Variants in SLC38A11 observed in about 807,000 individuals in gnomAD.
The protein encoded by SLC38A11 is solute carrier family 38 member 11, also known as putative sodium-coupled neutral amino acid transporter 11.
Under a neutral mutation model 49.4 loss-of-function variants are expected in SLC38A11, and 51 were observed. The observed-to-expected ratio is 1.03, with a 90% CI of 0.83 to 1.30. The LOEUF (loss-of-function observed/expected upper bound fraction) is 1.30. Among genes scored for constraint, SLC38A11 ranks in the 50% most tolerant of loss-of-function variants. The probability of loss-of-function intolerance (pLI) is 0.00; values close to 1 mark genes in which losing one functional copy is unlikely to be tolerated. For synonymous variants in SLC38A11, 203 were observed against 192.9 expected (o/e 1.05, Z -0.43); for missense variants, 574 against 556.2 (o/e 1.03, Z -0.32).
chr2:164,937,172 G>A (rs537652919), intron 7 of SLC38A11, among the ~76,000 whole-genome samples, 178 bp downstream of exon 7: 2 of 152,100 alleles, frequency 1.3e-5, no homozygotes, highest in Admixed American at 1.3e-4. Flanking sequence ...GCCTTGTAGG[G>A]TCCAAATGAA....
chr2:164,907,509 A>G (rs774006480), intron 11 of SLC38A11, among the ~76,000 whole-genome samples: 10 of 151,722 alleles, frequency 6.6e-5, no homozygotes, highest in Non-Finnish European at 1.3e-4. Context: ...CAAGCAATCC[A>G]TCCACTTTGG....
chr2:164,925,228 A>T (rs1208703763), intron 7 of SLC38A11, among the ~76,000 whole-genome samples: 1 of 152,100 alleles, frequency 6.6e-6, no homozygotes, highest in Non-Finnish European at 1.5e-5. Context: ...AACTGTGTTT[A>T]CCTCTGTGGG....
intron 6 of SLC38A11, among the ~76,000 whole-genome samples, chr2:164,938,016 A>G (rs975930197): frequency 6.6e-6 from 1 of 151,890 alleles, no homozygotes; most frequent in Non-Finnish European, 1.5e-5. Flanking sequence ...CATTATATCA[A>G]CTGGTTAAAA....
intron 11 of SLC38A11, among the ~76,000 whole-genome samples, chr2:164,905,573 T>A (rs976023865): frequency 3.3e-5 from 5 of 152,064 alleles, no homozygotes; most frequent in African/African-American, 1.2e-4. Flanking sequence ...CAAAAAGGAG[T>A]TGAGTAAAGA....
Position 164,939,561 on chromosome 2 carries a change from A to C in SLC38A11, c.431-5T>G. 6.3e-7 allele frequency: 1 copy of C among 1,578,436 alleles called. No individual in the cohort carries two copies. Among genetic ancestry groups the C allele is most frequent in the African/African-American group, 1.3e-5 (1 of 74,172 alleles). On this transcript the variant is annotated splice_region_variant and splice_polypyrimidine_tract_variant and intron_variant, in intron 5 of 11. Coordinates refer to ENST00000685975, the MANE Select transcript of SLC38A11 (RefSeq NM_001351537.2). ...TAAACACGTTTTCAGGATCAACTAA[A>C]ACACAATAAATATTATTAAATGTTA...
chr2:164,913,767 A>G (rs1685570628), intron 9 of SLC38A11, among the ~76,000 whole-genome samples: 1 of 152,124 alleles, frequency 6.6e-6, no homozygotes, highest in African/African-American at 2.4e-5. Flanking sequence ...ATAGTGATAC[A>G]TAGAAATGCT....
chr2:164,899,775 C>T lies in SLC38A11; in HGVS notation c.1096-1045G>A, dbSNP rs191765535. Among the ~76,000 whole-genome samples, 252 of 152,160 alleles carry T rather than the reference C, an allele frequency of 1.7e-3. 1 individual carries two copies. Among genetic ancestry groups the T allele is most frequent in the Non-Finnish European group, 3.2e-3 (215 of 67,940 alleles). On this transcript the variant is annotated intron_variant, in intron 11 of 11. Coordinates refer to ENST00000685975, the MANE Select transcript of SLC38A11 (RefSeq NM_001351537.2). ...TGAACTAACATATCTATTCATCTCA[C>T]ATAATTACTTCTTTGGTGATGAGAG...
intron 7 of SLC38A11, among the ~76,000 whole-genome samples, chr2:164,929,532 G>T (rs771151296): frequency 2.4e-4 from 36 of 152,114 alleles, no homozygotes; most frequent in Non-Finnish European, 4.4e-4. Flanking sequence ...ATTGATGTAG[G>T]TTGAGATTGC....
chr2:164,937,390 C>T lies in SLC38A11; in HGVS notation c.577G>A (p.Gly193Arg). 6.2e-7 allele frequency: 1 copy of T among 1,611,958 alleles called. No homozygotes were observed. The highest frequency in any genetic ancestry group is 8.5e-7 in the Non-Finnish European group (1 of 1,178,458). Reference protein sequence around the residue: ...ISTGLTTLILGIVMARAISLG... With the variant: ...ISTGLTTLILRIVMARAISLG... ...GAAATTGCCCTTGCCATTACAATTC[C>T]AAGAATCAGAGTTGTTAAACCTGTA... Residue 193 changes from glycine (G) to arginine (R), a missense_variant, in exon 7 of 12, where the codon GGA becomes AGA. Transcript: ENST00000685975.
intron 5 of SLC38A11, among the ~76,000 whole-genome samples, chr2:164,940,929 T>C (rs1007165223): frequency 2.0e-5 from 3 of 151,926 alleles, no homozygotes; most frequent in Non-Finnish European, 4.4e-5. Context: ...TATTTACATA[T>C]TTGTGGTGAA....
chr2:164,951,700 G>T (rs75396050), intron 3 of SLC38A11, among the ~76,000 whole-genome samples: 5 of 152,190 alleles, frequency 3.3e-5, no homozygotes, highest in Non-Finnish European at 7.3e-5. Flanking sequence ...AAGCAGAGCT[G>T]AGACAGACAT....
intron 7 of SLC38A11, among the ~76,000 whole-genome samples, chr2:164,916,860 CT>C (rs1328896464): frequency 6.6e-6 from 1 of 152,086 alleles, no homozygotes; most frequent in Non-Finnish European, 1.5e-5. Flanking sequence ...TTAAATTGTT[CT>C]TCTGGCCTCC....
chr2:164,950,963 G>T (rs560137421), intron 3 of SLC38A11, among the ~76,000 whole-genome samples: 1 of 151,900 alleles, frequency 6.6e-6, no homozygotes, highest in African/African-American at 2.4e-5. Flanking sequence ...CTTTTATGTG[G>T]TCATCCTTTA....
chr2:164,931,193 G>A (rs1268153810), intron 7 of SLC38A11, among the ~76,000 whole-genome samples: 1 of 146,110 alleles, frequency 6.8e-6, no homozygotes, highest in Non-Finnish European at 1.5e-5. Context: ...AGCTAAGCAG[G>A]GAGGTGAAAG....
chr2:164,916,758 G>T lies in SLC38A11; in HGVS notation c.618-785C>A, dbSNP rs185600471. 3.4e-4 allele frequency among the ~76,000 whole-genome samples: 51 copies of T among 152,176 alleles called. No individual in the cohort carries two copies. The East Asian group carries it at 6.0e-3, about 18-fold the overall frequency. On this transcript the variant is annotated intron_variant, in intron 7 of 11. Coordinates refer to ENST00000685975, the MANE Select transcript of SLC38A11 (RefSeq NM_001351537.2). ...GCTTGAAACAGGCTACATCCTAGTG[G>T]AATTAAAATATTTGATATTGGCAGT... is the stretch of plus-strand genomic sequence containing the variant.
intron 3 of SLC38A11, among the ~76,000 whole-genome samples, chr2:164,946,178 G>C (rs923745325): frequency 1.3e-5 from 2 of 152,158 alleles, no homozygotes; most frequent in African/African-American, 4.8e-5. Flanking sequence ...ATTTAGGAGA[G>C]TCAGAGAATT....
At chr2:164,933,151 A>T (rs1573965801) in intron 7 of SLC38A11, among the ~76,000 whole-genome samples, 1 of 152,114 alleles carries the variant, frequency 6.6e-6, no homozygotes, top group East Asian at 1.9e-4. Context: ...GAAAGATGTC[A>T]TATGAGGGGA....
intron 7 of SLC38A11, among the ~76,000 whole-genome samples, chr2:164,932,718 A>G (rs1687090907): frequency 6.6e-6 from 1 of 152,108 alleles, no homozygotes; most frequent in South Asian, 2.1e-4. Context: ...GGAACAACAC[A>G]CACTGGGACC....
At chr2:164,933,135 C>T (rs867264452) in intron 7 of SLC38A11, among the ~76,000 whole-genome samples, 52 of 151,968 alleles carry the variant, frequency 3.4e-4, no homozygotes, top group Non-Finnish European at 1.5e-4. Context: ...GATTAAAATG[C>T]TGTAAGAAAG....
Sources: allele counts gnomAD v4.1 joint callset (sites outside exome capture counted in the v4.1 genomes callset), GRCh38; gene constraint gnomAD v4.1.1; transcripts MANE v1.5; gene names NCBI Gene and HGNC (gene_info 2026-07-23, HGNC 2026-07-21).